C16orf96: variants seen among roughly 807,000 people sequenced by gnomAD.
The protein encoded by C16orf96 is chromosome 16 open reading frame 96.
In C16orf96, 108 loss-of-function variants were observed where a neutral mutation model predicts 103.6. The observed-to-expected ratio is 1.04, with a 90% confidence interval of 0.89 to 1.22. The LOEUF (loss-of-function observed/expected upper bound fraction) is 1.22, where lower values mean the gene tolerates loss of function less well. Among genes scored for constraint, C16orf96 ranks in the 50% most tolerant of loss-of-function variants. C16orf96 has a pLI of 0.00. For synonymous variants in C16orf96, 566 were observed against 593.5 expected (o/e 0.95, Z 0.67); for missense variants, 1,586 against 1,464.2 (o/e 1.08, Z -1.36).
intron 1 of C16orf96, among the ~76,000 whole-genome samples, chr16:4,559,704 A>G (rs1341833562): frequency 1.3e-5 from 2 of 152,140 alleles, no homozygotes; most frequent in African/African-American, 4.8e-5. Flanking sequence ...ACCTCTATCT[A>G]GTTCTAAGCC....
In C16orf96 at chr16:4,584,354, A is replaced by ATTTT. The variant is rs71139648; in HGVS notation, c.2353-2677_2353-2674dup. ...AGGCGTGTGCCACCATGCCTGGCTAATTTTTTTTTTTGAGATACAGTCTCG... is the reference window on the plus strand; with the variant it reads ...AGGCGTGTGCCACCATGCCTGGCTAATTTTTTTTTTTTTTTGAGATACAGTCTCG... On this transcript the variant is annotated intron_variant, in intron 7 of 15. Transcript: ENST00000444310. 1.2e-4 allele frequency among the ~76,000 whole-genome samples: 11 copies of ATTTT among 92,734 alleles called. 1 individual carries two copies. The highest frequency in any genetic ancestry group is 3.9e-4 in the African/African-American group (9 of 23,002). 60.8% of individuals were successfully genotyped at this position (92,734 alleles called of 152,430 possible). A position where few individuals can be genotyped will look rare whatever the true frequency, so the allele number is the denominator to read the frequency against.
In C16orf96 at chr16:4,594,517, C is replaced by G. The variant is rs1195131208; in HGVS notation, c.3027+7C>G. 5 of 1,549,604 alleles carry G rather than the reference C, an allele frequency of 3.2e-6. No individual in the cohort carries two copies. The highest frequency in any genetic ancestry group is 2.0e-5 in the Admixed American group (1 of 50,984). ...CGTGATCGACTATGACAGCGTGAGT[C>G]TGGCCGGGGCCTCCTTCTCAGAGGG... On this transcript the variant is annotated splice_region_variant and intron_variant, in intron 13 of 15. Coordinates refer to ENST00000444310, the MANE Select transcript of C16orf96 (RefSeq NM_001145011.2).
chr16:4,553,084 A>G (rs919285440), upstream of C16orf96, among the ~76,000 whole-genome samples: 2 of 152,156 alleles, frequency 1.3e-5, no homozygotes, highest in Admixed American at 1.3e-4. Context: ...CCCTCTCTTC[A>G]GGTCTCAGCT....
chr16:4,592,309 C>G lies in C16orf96; in HGVS notation c.2716C>G (p.Leu906Val). Residue 906 changes from leucine to valine, a missense_variant, in exon 11 of 16, where the codon CTG (leucine) becomes GTG (valine). Coordinates refer to ENST00000444310, the MANE Select transcript of C16orf96 (RefSeq NM_001145011.2). ...PDSAAGFRRK[L>V]FKRVKCISCD... ...TGATGATCATGTGCCTTTCAGGAAG[C>G]TGTTCAAGCGCGTGAAGTGCATCTC... 2.6e-6 allele frequency: 4 copies of G among 1,551,642 alleles called. No homozygotes were observed. The highest frequency in any genetic ancestry group is 3.5e-6 in the Non-Finnish European group (4 of 1,146,978).
chr16:4,584,354 A>ATTTTTTTTTT (rs71139648), intron 7 of C16orf96, among the ~76,000 whole-genome samples: 4 of 92,734 alleles, frequency 4.3e-5, no homozygotes, highest in African/African-American at 8.7e-5. Flanking sequence ...TGCCTGGCTA[A>ATTTTTTTTTT]TTTTTTTTTT....
At chr16:4,543,708 G>A in the C16orf96 span, among the ~76,000 whole-genome samples, 75 of 152,012 alleles carry the variant, frequency 4.9e-4, 1 homozygote, top group Admixed American at 1.2e-3. Context: ...GCAGTGGCGC[G>A]ATCTTGGCTC....
At chr16:4,546,486 C>T in the C16orf96 span, among the ~76,000 whole-genome samples, 2 of 133,098 alleles carry the variant, frequency 1.5e-5, no homozygotes, top group African/African-American at 2.8e-5. Flanking sequence ...TTTTAAGACA[C>T]AGGGTCTCAC....
At chr16:4,594,236 C>T in intron 12 of C16orf96, 115 bp from the exon 13 acceptor site, 3 of 1,264,880 alleles carry the variant, frequency 2.4e-6, no homozygotes, top group Non-Finnish European at 3.2e-6. Flanking sequence ...GCCAGCTAAA[C>T]ACAAGCTGAA....
chr16:4,599,453 C>T, intron 15 of C16orf96, 89 bp downstream of exon 15: 5 of 1,118,846 alleles, frequency 4.5e-6, no homozygotes, highest in Non-Finnish European at 5.3e-6. Flanking sequence ...CCACACCCCG[C>T]CTGGGCTCTC....
In C16orf96 at chr16:4,593,413, C is replaced by G; in HGVS notation, c.2867+97C>G. On this transcript the variant is annotated intron_variant, in intron 12 of 15. Transcript: ENST00000444310. The surrounding 1 kb of genome is among the most constrained non-coding windows in gnomAD (Gnocchi z 4.2). ...CCTGCAGAGACACATCCTCCAGGCC[C>G]AGGGACCTAAGATTGTCCTGGACAT... 2.5e-6 allele frequency: 3 copies of G among 1,197,094 alleles called. No homozygotes were observed. Among genetic ancestry groups the G allele is most frequent in the Admixed American group, 4.0e-5 (2 of 49,454 alleles). The allele number at this position is 1,197,094 out of a possible 1,614,324, so 74.2% of individuals were successfully genotyped here.
rs1251825110 is a variant in C16orf96 at position 4,591,794 on chromosome 16, C to T, written c.2711+10C>T. On this transcript the variant is annotated intron_variant, in intron 10 of 15. Transcript: ENST00000444310. Reference sequence around the variant, plus strand: ...CTGCTGGCTTTAGGAGGTGAGTGCCCGCCCGAGCCCCTCCTGGTAGGGGTC... The same window carrying T: ...CTGCTGGCTTTAGGAGGTGAGTGCCTGCCCGAGCCCCTCCTGGTAGGGGTC... 20 of 1,496,326 alleles carry T rather than the reference C, an allele frequency of 1.3e-5. No homozygotes were observed. Among genetic ancestry groups the T allele is most frequent in the Middle Eastern group, 1.7e-4 (1 of 5,900 alleles). 92.7% of individuals were successfully genotyped at this position (1,496,326 alleles called of 1,614,324 possible).
chr16:4,554,474 C>G (rs1424923667), upstream of C16orf96, among the ~76,000 whole-genome samples: 1 of 151,830 alleles, frequency 6.6e-6, no homozygotes, highest in South Asian at 2.1e-4. Context: ...CCTCAGCCTC[C>G]CGAGTAGTTG....
At chr16:4,549,430 G>A in the C16orf96 span, among the ~76,000 whole-genome samples, 70 of 146,874 alleles carry the variant, frequency 4.8e-4, no homozygotes, top group South Asian at 3.7e-3. Context: ...CCAAGATCGC[G>A]CCACTGCACT....
At chr16:4,562,220 A>C (rs1199645689) in intron 1 of C16orf96, among the ~76,000 whole-genome samples, 1 of 152,114 alleles carries the variant, frequency 6.6e-6, no homozygotes, top group Non-Finnish European at 1.5e-5. Context: ...CATGCCTGTA[A>C]TCCCCGCACT....
chr16:4,565,478 G>T (rs754343675), intron 1 of C16orf96, among the ~76,000 whole-genome samples: 1 of 152,176 alleles, frequency 6.6e-6, no homozygotes, highest in Non-Finnish European at 1.5e-5. Context: ...AGTAAGCTGA[G>T]ATGGCACCAC....
Position 4,600,266 on chromosome 16 carries a change from C to G in C16orf96, c.3375C>G (p.His1125Gln). 6.4e-7 allele frequency: 1 copy of G among 1,551,488 alleles called. No individual in the cohort carries two copies. Among genetic ancestry groups the G allele is most frequent in the Non-Finnish European group, 8.7e-7 (1 of 1,146,944 alleles). The change falls in exon 16 of 16, where the codon CAC becomes CAG. Residue 1125 changes from histidine to glutamine, a missense_variant. Transcript: ENST00000444310. ...PGSTRLSRAP[H>Q]IESRVGRKPP... ...CCACCAGGCTCTCAAGAGCTCCACA[C>G]ATTGAGTCCCGAGTCGGCAGGAAGC... is the stretch of plus-strand genomic sequence containing the variant.
chr16:4,582,259 G>T (rs984583012), intron 7 of C16orf96, among the ~76,000 whole-genome samples: 3 of 151,954 alleles, frequency 2.0e-5, no homozygotes, highest in Non-Finnish European at 4.4e-5. Flanking sequence ...TCCAGCCTGG[G>T]CGACAAGAGC....
chr16:4,558,509 G>A (rs1238606926), intron 1 of C16orf96, among the ~76,000 whole-genome samples: 4 of 152,120 alleles, frequency 2.6e-5, no homozygotes, highest in Non-Finnish European at 4.4e-5. Flanking sequence ...TACCTCAGGA[G>A]GCTGAGGTGG....
chr16:4,572,263 C>T (rs1045615766), intron 2 of C16orf96, among the ~76,000 whole-genome samples: 4 of 151,418 alleles, frequency 2.6e-5, no homozygotes, highest in Non-Finnish European at 5.9e-5. Context: ...ACTAAAAGGT[C>T]CAGGGACGGC....
Sources: allele counts gnomAD v4.1 joint callset (sites outside exome capture counted in the v4.1 genomes callset), GRCh38; gene constraint gnomAD v4.1.1; non-coding constraint Gnocchi (gnomAD v3.1); transcripts MANE v1.5; gene names NCBI Gene and HGNC (gene_info 2026-07-23, HGNC 2026-07-21).